PAK5: variants seen among roughly 807,000 people sequenced by gnomAD.
PAK5 encodes the protein p21 (RAC1) activated kinase 5, also known as serine/threonine-protein kinase PAK 5.
Under a neutral mutation model 65.9 loss-of-function variants are expected in PAK5, and 16 were observed. The observed-to-expected ratio is 0.24, with a 90% CI of 0.16 to 0.37. The LOEUF is 0.37. Ranked by LOEUF, PAK5 falls within the 10% of genes least tolerant of loss-of-function variation. The pLI is 1.00. For missense variants in PAK5, 785 were observed against 903.9 expected, an observed-to-expected ratio of 0.87 and a Z score of 1.69; for synonymous variants, 371 against 354.9, an observed-to-expected ratio of 1.05 and a Z score of -0.51.
At chr20:9,642,935 A>G (rs183526413) in intron 3 of PAK5, among the ~76,000 whole-genome samples, 264 of 152,350 alleles carry the variant, frequency 1.7e-3, no homozygotes, top group South Asian at 0.015. Flanking sequence ...ACAGACTCAT[A>G]TGTTCAATAC....
At chr20:9,657,532 A>C in intron 2 of PAK5, among the ~76,000 whole-genome samples, 1 of 152,356 alleles carries the variant, frequency 6.6e-6, no homozygotes, top group South Asian at 2.1e-4. Context: ...AGTGGTAAAC[A>C]TTTTAGATAA....
At chr20:9,776,905 A>C (rs1236659766) in intron 1 of PAK5, among the ~76,000 whole-genome samples, 1 of 152,222 alleles carries the variant, frequency 6.6e-6, no homozygotes, top group Non-Finnish European at 1.5e-5. Flanking sequence ...GCCAAGAAAC[A>C]TGGTGGTAAT....
chr20:9,687,185 A>G (rs2047730802), intron 2 of PAK5, among the ~76,000 whole-genome samples: 1 of 152,196 alleles, frequency 6.6e-6, no homozygotes, highest in Non-Finnish European at 1.5e-5. Flanking sequence ...AAGGCTGCCC[A>G]TACTGGCAGC....
At chr20:9,827,232 A>G (rs1978343351) in intron 1 of PAK5, among the ~76,000 whole-genome samples, 1 of 152,192 alleles carries the variant, frequency 6.6e-6, no homozygotes, top group Non-Finnish European at 1.5e-5. Flanking sequence ...AGGACTCCAA[A>G]CAGAACTTTT....
chr20:9,781,890 G>A (rs2048944172), intron 1 of PAK5, among the ~76,000 whole-genome samples: 1 of 152,084 alleles, frequency 6.6e-6, no homozygotes, highest in Non-Finnish European at 1.5e-5. Context: ...AGGTCTCTTA[G>A]TTTCTCCCCT....
Position 9,610,690 on chromosome 20 carries a change from C to T in PAK5, c.205-29760G>A, listed in dbSNP as rs556904736. On this transcript the variant is annotated intron_variant, in intron 3 of 9. Coordinates refer to ENST00000353224, the MANE Select transcript of PAK5 (RefSeq NM_177990.4). Reference sequence around the variant, plus strand: ...GCTTGGATTTCTTTAACTGTTCTGGCGTGTCCCTCCCTCGGCATCTGTGTG... The same window carrying T: ...GCTTGGATTTCTTTAACTGTTCTGGTGTGTCCCTCCCTCGGCATCTGTGTG... Among the ~76,000 whole-genome samples, 6 of 152,270 alleles carry T rather than the reference C, an allele frequency of 3.9e-5. No individual in the cohort carries two copies. The East Asian group carries it at 5.8e-4, about 15-fold the overall frequency.
chr20:9,783,526 T>G (rs1210980413), intron 1 of PAK5, among the ~76,000 whole-genome samples: 4 of 152,184 alleles, frequency 2.6e-5, no homozygotes, highest in Admixed American at 2.6e-4. Context: ...AGAACTTCTC[T>G]ATCTCAACAT....
chr20:9,686,816 C>T (rs1361100905), intron 2 of PAK5, among the ~76,000 whole-genome samples: 4 of 152,136 alleles, frequency 2.6e-5, no homozygotes, highest in Non-Finnish European at 4.4e-5. Context: ...AGTTGCCCCT[C>T]ATGCAGATCC....
chr20:9,738,249 C>T (rs2048413103), intron 1 of PAK5, among the ~76,000 whole-genome samples: 1 of 152,124 alleles, frequency 6.6e-6, no homozygotes, highest in South Asian at 2.1e-4. Flanking sequence ...CTTTGGAAAA[C>T]AGTTTGGCAG....
chr20:9,789,968 C>T (rs2049032600), intron 1 of PAK5, among the ~76,000 whole-genome samples: 1 of 152,106 alleles, frequency 6.6e-6, no homozygotes, highest in African/African-American at 2.4e-5. Flanking sequence ...TTTTTACGCC[C>T]AAGCTGCAAG....
At chr20:9,793,371 G>A (rs991588487) in intron 1 of PAK5, among the ~76,000 whole-genome samples, 6 of 152,070 alleles carry the variant, frequency 3.9e-5, no homozygotes, top group African/African-American at 1.4e-4. Context: ...AGCCTACTGG[G>A]CAGACTACCT....
At chr20:9,762,909 T>C (rs11700067) in intron 1 of PAK5, among the ~76,000 whole-genome samples, 30,536 of 152,064 alleles carry the variant, frequency 0.2, 3,518 homozygotes, top group East Asian at 0.29. Context: ...GTGGTGTATA[T>C]GCATAATGAA....
At chr20:9,553,232 T>C (rs1818050796) in intron 7 of PAK5, among the ~76,000 whole-genome samples, 1 of 152,122 alleles carries the variant, frequency 6.6e-6, no homozygotes, top group South Asian at 2.1e-4. Flanking sequence ...TCTGAAATTG[T>C]ATCATGTGTT....
rs540923458 is a variant in PAK5 at position 9,745,879 on chromosome 20, A to AG, written c.-161-34445_-161-34444insC. ...GGGGAATGCCAATGTAACAACTAAA[A>AG]AAAAAGAGAAATATGAATCCAGTTT... On this transcript the variant is annotated intron_variant, in intron 1 of 9. Transcript: ENST00000353224. 3.4e-4 allele frequency among the ~76,000 whole-genome samples: 52 copies of AG among 152,226 alleles called. No individual in the cohort carries two copies. The South Asian group carries it at 6.6e-3, about 19-fold the overall frequency.
At chr20:9,696,587 G>A (rs2047873190) in intron 2 of PAK5, among the ~76,000 whole-genome samples, 1 of 152,036 alleles carries the variant, frequency 6.6e-6, no homozygotes, top group East Asian at 1.9e-4. Context: ...GTGGGAGAAA[G>A]TTTCTTTTTT....
intron 1 of PAK5, among the ~76,000 whole-genome samples, chr20:9,747,491 T>G (rs2048522391): frequency 6.6e-6 from 1 of 151,100 alleles, no homozygotes; most frequent in Non-Finnish European, 1.5e-5. Context: ...TCCACCACGA[T>G]CAAGTGTGCT....
intron 7 of PAK5, among the ~76,000 whole-genome samples, chr20:9,553,950 C>T (rs773729375): frequency 1.3e-5 from 2 of 152,078 alleles, no homozygotes; most frequent in Non-Finnish European, 2.9e-5. Context: ...AGTGGCTGTG[C>T]CATTTTAAGT....
chr20:9,792,540 G>A (rs1465064598), intron 1 of PAK5, among the ~76,000 whole-genome samples: 1 of 152,184 alleles, frequency 6.6e-6, no homozygotes, highest in Non-Finnish European at 1.5e-5. Flanking sequence ...AACTTTTTAA[G>A]TGGGACAGTA....
At chr20:9,655,353 A>G (rs6086975) in intron 2 of PAK5, among the ~76,000 whole-genome samples, 51,690 of 151,850 alleles carry the variant, frequency 0.34, 9,468 homozygotes, top group Non-Finnish European at 0.42. Flanking sequence ...CCCTGCACAC[A>G]TCCTGATTTT....
Sources: gnomAD v4.1 joint callset for allele counts (sites outside exome capture counted in the v4.1 genomes callset) on GRCh38, gnomAD v4.1.1 for gene constraint, MANE v1.5 for transcripts, NCBI Gene and HGNC (gene_info 2026-07-23, HGNC 2026-07-21) for gene names.